The following NOL4 variants were observed in gnomAD, a reference collection of about 807,000 sequenced individuals.
NOL4 encodes cancer/testis antigen 125.
NOL4 carries 17 observed loss-of-function variants against 75.9 expected under a neutral mutation model. The observed-to-expected ratio is 0.22, with a 90% CI of 0.15 to 0.34. The LOEUF is 0.34. Ranked by LOEUF, NOL4 falls within the 10% of genes least tolerant of loss-of-function variation. NOL4 has a pLI of 1.00. For missense variants in NOL4, 614 were observed against 793.5 expected, an observed-to-expected ratio of 0.77 and a Z score of 2.72; for synonymous variants, 292 against 289.9, an observed-to-expected ratio of 1.01 and a Z score of -0.07.
chr18:34,080,523 T>A (rs756848102), intron 5 of NOL4, among the ~76,000 whole-genome samples: 1 of 152,118 alleles, frequency 6.6e-6, no homozygotes, highest in East Asian at 1.9e-4. Context: ...TAGGCTAACA[T>A]AAAAAGCGGC....
In NOL4 at chr18:34,153,887, G is replaced by C. The variant is rs150400178; in HGVS notation, c.265-23867C>G. Among the ~76,000 whole-genome samples, 1,152 of 152,094 alleles carry C rather than the reference G, an allele frequency of 7.6e-3. 17 individuals carry two copies. The highest frequency in any genetic ancestry group is 0.017 in the South Asian group (80 of 4,828). On this transcript the variant is annotated intron_variant, in intron 1 of 10. Transcript: ENST00000261592. ...AGACATTGCTATTTCCCAGCAGGAA[G>C]TAAAAGTGAAAGTAACATACAGGAA...
At chr18:34,141,026 T>C (rs1409735967) in intron 1 of NOL4, among the ~76,000 whole-genome samples, 1 of 152,106 alleles carries the variant, frequency 6.6e-6, no homozygotes, top group African/African-American at 2.4e-5. Context: ...ACAAGCATTC[T>C]TATACACCAA....
chr18:34,047,540 T>C, intron 5 of NOL4, among the ~76,000 whole-genome samples: 1 of 152,116 alleles, frequency 6.6e-6, no homozygotes, highest in East Asian at 1.9e-4. Context: ...TATATATTAA[T>C]ATAATATGTA....
chr18:33,889,482 T>C (rs1456797275), intron 9 of NOL4, among the ~76,000 whole-genome samples: 2 of 152,122 alleles, frequency 1.3e-5, no homozygotes, highest in Non-Finnish European at 2.9e-5. Flanking sequence ...CTACCATTTC[T>C]TCTGAAACTA....
intron 5 of NOL4, among the ~76,000 whole-genome samples, chr18:34,086,102 A>G (rs1434671976): frequency 6.6e-6 from 1 of 152,166 alleles, no homozygotes; most frequent in Non-Finnish European, 1.5e-5. Context: ...CAGAATATTT[A>G]AACAAATTCA....
intron 6 of NOL4, among the ~76,000 whole-genome samples, chr18:33,970,725 T>TTGTGTGTGTGTGTGTGTGTGTG (rs34125584): frequency 2.3e-4 from 34 of 147,018 alleles, no homozygotes; most frequent in African/African-American, 8.4e-4. Context: ...TTCAAGCTAT[T>TTGTGTGTGTGTGTGTGTGTGTG]TGTGTGTGTG....
At chr18:33,881,034 C>T (rs1049769667) in intron 10 of NOL4, among the ~76,000 whole-genome samples, 30 of 152,022 alleles carry the variant, frequency 2.0e-4, no homozygotes, top group Admixed American at 4.6e-4. Context: ...CACCTCCCCT[C>T]ACCAAAAGAA....
In NOL4 at chr18:34,223,519, G is replaced by T. The variant is rs1555766399; in HGVS notation, c.-266C>A. 1 of 556,206 alleles carries T rather than the reference G, an allele frequency of 1.8e-6. No individual in the cohort carries two copies. The highest frequency in any genetic ancestry group is 3.2e-6 in the Non-Finnish European group (1 of 313,500). The allele number at this position is 556,206 out of a possible 1,614,324, so 34.5% of individuals were successfully genotyped here. A position where few individuals can be genotyped will look rare whatever the true frequency, so the allele number is the denominator to read the frequency against. Reference sequence around the variant, plus strand: ...CGTTTTTCCTGTTCCCTTAGCGGTCGGTCTCTTTAATATTTTGTGACCAGG... The same window carrying T: ...CGTTTTTCCTGTTCCCTTAGCGGTCTGTCTCTTTAATATTTTGTGACCAGG... On this transcript the variant is annotated 5_prime_UTR_variant, in exon 1 of 11. Coordinates refer to ENST00000261592, the MANE Select transcript of NOL4 (RefSeq NM_003787.5).
chr18:34,071,346 C>A (rs2077505885), intron 5 of NOL4, among the ~76,000 whole-genome samples: 1 of 151,846 alleles, frequency 6.6e-6, no homozygotes, highest in South Asian at 2.1e-4. Flanking sequence ...AATTCCCAGA[C>A]AACCACTAAA....
chr18:34,177,689 T>A (rs143017530), intron 1 of NOL4, among the ~76,000 whole-genome samples: 11 of 151,970 alleles, frequency 7.2e-5, no homozygotes, highest in Middle Eastern at 3.4e-3. Flanking sequence ...TGGCCAGACG[T>A]CATGGAAGCC....
rs537412212 is a variant in NOL4, at chr18:33,959,056, G to A, written c.1057-638C>T. 3.3e-5 allele frequency among the ~76,000 whole-genome samples: 5 copies of A among 152,090 alleles called. No homozygotes were observed. The East Asian group carries it at 7.7e-4, about 24-fold the overall frequency. On this transcript the variant is annotated intron_variant, in intron 6 of 10. Coordinates refer to ENST00000261592, the MANE Select transcript of NOL4 (RefSeq NM_003787.5). ...GATTTGGGTTTAGAAAATGGGAACCGGGTTTCTTCCTAATCCTCTGTTAAG... is the reference window on the plus strand; with the variant it reads ...GATTTGGGTTTAGAAAATGGGAACCAGGTTTCTTCCTAATCCTCTGTTAAG...
At chr18:34,049,340 G>A (rs2076531331) in intron 5 of NOL4, among the ~76,000 whole-genome samples, 1 of 151,768 alleles carries the variant, frequency 6.6e-6, no homozygotes, top group African/African-American at 2.4e-5. Context: ...CATTGTAGGA[G>A]GGCAGATTTC....
Position 34,052,785 on chromosome 18 carries a change from C to A in NOL4, c.773-33184G>T, listed in dbSNP as rs554664724. Among the ~76,000 whole-genome samples, 343 of 152,086 alleles carry A rather than the reference C, an allele frequency of 2.3e-3. 2 individuals carry two copies. The highest frequency in any genetic ancestry group is 7.9e-3 in the African/African-American group (326 of 41,524). Reference sequence around the variant, plus strand: ...TGCTACGAGAGAATCTAGGAGAGAACTTTTTCCTGGTACAGGGAGGTAGGC... The same window carrying A: ...TGCTACGAGAGAATCTAGGAGAGAAATTTTTCCTGGTACAGGGAGGTAGGC... On this transcript the variant is annotated intron_variant, in intron 5 of 10. Transcript: ENST00000261592.
chr18:33,879,867 A>G (rs1168260952), intron 10 of NOL4, among the ~76,000 whole-genome samples: 2 of 151,874 alleles, frequency 1.3e-5, no homozygotes, highest in African/African-American at 4.8e-5. Context: ...TGGGTCTTTG[A>G]AATAGGTTCC....
At chr18:34,107,034 T>C (rs568037288) in intron 2 of NOL4, among the ~76,000 whole-genome samples, 116 of 152,272 alleles carry the variant, frequency 7.6e-4, no homozygotes, top group Non-Finnish European at 1.2e-3. Flanking sequence ...AAATATTTCA[T>C]TGAAAGATAG....
chr18:33,950,660 A>C (rs958440491), intron 8 of NOL4, among the ~76,000 whole-genome samples: 4 of 152,164 alleles, frequency 2.6e-5, no homozygotes, highest in Non-Finnish European at 5.9e-5. Flanking sequence ...CAGCAATATA[A>C]GACAGGATAA....
rs1024791794 is a variant in NOL4 at position 34,141,849 on chromosome 18, A to C, written c.265-11829T>G. ...TTGACAAATGGGATCTAATTAAACT[A>C]AAGAGCTTCTGCACAGCAAAAGAAA... On this transcript the variant is annotated intron_variant, in intron 1 of 10. Transcript: ENST00000261592. Among the ~76,000 whole-genome samples, 10 of 152,326 alleles carry C rather than the reference A, an allele frequency of 6.6e-5. No homozygotes were observed. The East Asian group carries it at 7.7e-4, about 12-fold the overall frequency.
rs1387764988 is a variant in NOL4 at position 34,223,585 on chromosome 18, CAATA to C, written c.-336_-333del. On this transcript the variant is annotated 5_prime_UTR_variant, in exon 1 of 11. It adds an upstream start codon to the 5' untranslated region. Coordinates refer to ENST00000261592, the MANE Select transcript of NOL4 (RefSeq NM_003787.5). The stretch of plus-strand genomic sequence containing the variant: ...TTCTGGCCCAGAGGAGCTGGGTTTT[CAATA>C]ATTAAAATCCCATTCCTTGGTTTAT... 6 of 307,638 alleles carry C rather than the reference CAATA, an allele frequency of 2.0e-5. No individual in the cohort carries two copies. Among genetic ancestry groups the C allele is most frequent in the South Asian group, 8.1e-5 (1 of 12,280 alleles). 19.1% of individuals were successfully genotyped at this position (307,638 alleles called of 1,614,324 possible).
At chr18:33,950,414 A>G (rs1041327448) in intron 8 of NOL4, among the ~76,000 whole-genome samples, 5 of 152,156 alleles carry the variant, frequency 3.3e-5, no homozygotes, top group Admixed American at 6.6e-5. Flanking sequence ...AAATTATCTT[A>G]TCTCTCAACT....
Sources: gnomAD v4.1 joint callset for allele counts (sites outside exome capture counted in the v4.1 genomes callset) on GRCh38, gnomAD v4.1.1 for gene constraint, MANE v1.5 for transcripts, NCBI Gene and HGNC (gene_info 2026-07-23, HGNC 2026-07-21) for gene names.